Variants in MGAT4C observed in about 807,000 individuals in gnomAD.
The protein encoded by MGAT4C is alpha-1,3-mannosyl-glycoprotein 4-beta-N-acetylglucosaminyltransferase C.
A neutral mutation model predicts 40.1 loss-of-function variants in MGAT4C; 19 were observed. The observed-to-expected ratio is 0.47, with a 90% CI of 0.33 to 0.70. The LOEUF is 0.70. MGAT4C is among the 30% of genes least tolerant of loss of function. The pLI is 0.02. For missense variants in MGAT4C, 491 were observed against 563.2 expected, an observed-to-expected ratio of 0.87 and a Z score of 1.30; for synonymous variants, 181 against 187.1, an observed-to-expected ratio of 0.97 and a Z score of 0.27.
chr12:86,170,847 A>C (rs1035473182), intron 1 of MGAT4C, among the ~76,000 whole-genome samples: 1 of 152,026 alleles, frequency 6.6e-6, no homozygotes, highest in Non-Finnish European at 1.5e-5. Flanking sequence ...GAGCTACTAG[A>C]GAGGCTGAGG....
chr12:86,123,079 T>A (rs1879681105), intron 1 of MGAT4C, among the ~76,000 whole-genome samples: 1 of 152,194 alleles, frequency 6.6e-6, no homozygotes, highest in Admixed American at 6.6e-5. Flanking sequence ...TACTCTGTGC[T>A]AGGCTCTGCT....
rs1876572381 is a variant in MGAT4C, at chr12:86,108,246, G to A, written c.-56-58523C>T. Among the ~76,000 whole-genome samples, 4 of 152,000 alleles carry A rather than the reference G, an allele frequency of 2.6e-5. No individual in the cohort carries two copies. The South Asian group carries it at 8.3e-4, about 32-fold the overall frequency. ...CTTTGGCATTTAGACACAATGACTGGCCCTCATTAATGTTAAAATAGAGAT... is the reference window on the plus strand; with the variant it reads ...CTTTGGCATTTAGACACAATGACTGACCCTCATTAATGTTAAAATAGAGAT... On this transcript the variant is annotated intron_variant, in intron 1 of 4. Transcript: ENST00000611864.
intron 2 of MGAT4C, among the ~76,000 whole-genome samples, chr12:86,646,814 T>C (rs972387182): frequency 6.6e-6 from 1 of 152,002 alleles, no homozygotes; most frequent in African/African-American, 2.4e-5. Context: ...TGTTTTATTT[T>C]ATTTTAACTG....
intron 2 of MGAT4C, among the ~76,000 whole-genome samples, chr12:86,501,441 G>A (rs1958338979): frequency 6.6e-6 from 1 of 151,900 alleles, no homozygotes. Flanking sequence ...CTATCACCTA[G>A]GTATTAAGCT....
At chr12:86,245,485 G>A (rs547908777) in intron 1 of MGAT4C, among the ~76,000 whole-genome samples, 1 of 152,112 alleles carries the variant, frequency 6.6e-6, no homozygotes, top group African/African-American at 2.4e-5. Flanking sequence ...AATTGTTTTT[G>A]GGTCTCTGTG....
intron 2 of MGAT4C, among the ~76,000 whole-genome samples, chr12:86,596,526 T>C (rs1330302986): frequency 3.9e-5 from 6 of 152,224 alleles, no homozygotes; most frequent in African/African-American, 7.2e-5. Context: ...ATAGAACTTA[T>C]AGATAAATCG....
At chr12:85,988,056 T>C (rs1013856507) in intron 3 of MGAT4C, among the ~76,000 whole-genome samples, 2 of 152,210 alleles carry the variant, frequency 1.3e-5, no homozygotes, top group Non-Finnish European at 2.9e-5. Flanking sequence ...TAATAGGTTT[T>C]AAAAATATTC....
chr12:86,767,357 T>C (rs1331816400), intron 1 of MGAT4C, among the ~76,000 whole-genome samples: 2 of 152,156 alleles, frequency 1.3e-5, no homozygotes, highest in Non-Finnish European at 2.9e-5. Context: ...GGCTCTGAAA[T>C]TGTGGCAATA....
At chr12:86,760,692 A>G (rs980445196) in intron 1 of MGAT4C, among the ~76,000 whole-genome samples, 1 of 152,148 alleles carries the variant, frequency 6.6e-6, no homozygotes, top group East Asian at 1.9e-4. Context: ...TCCAGGGCAT[A>G]GAAAAGAAAA....
At chr12:86,662,695 T>C (rs1168849487) in intron 2 of MGAT4C, among the ~76,000 whole-genome samples, 2 of 152,144 alleles carry the variant, frequency 1.3e-5, no homozygotes, top group African/African-American at 2.4e-5. Flanking sequence ...TCTGGCATAG[T>C]GTATGACAGA....
chr12:86,545,958 AT>A (rs979566614), intron 2 of MGAT4C, among the ~76,000 whole-genome samples: 2 of 151,940 alleles, frequency 1.3e-5, no homozygotes, highest in South Asian at 2.1e-4. Context: ...AAAAGATTAT[AT>A]TTTTTCTTAT....
At position 86,035,297 on chromosome 12, in the gene MGAT4C, T is replaced by C. The variant is rs145398658; in HGVS notation, c.-7+14377A>G. 3.5e-3 allele frequency among the ~76,000 whole-genome samples: 531 copies of C among 150,448 alleles called. 56 individuals carry two copies. The highest frequency in any genetic ancestry group is 5.1e-3 in the Non-Finnish European group (344 of 67,000). On this transcript the variant is annotated intron_variant, in intron 2 of 4. Coordinates refer to ENST00000611864, the MANE Select transcript of MGAT4C (RefSeq NM_001351288.2). ...CATGAAACAGCATCTTGGTATCTCA[T>C]TGTGGTTTTGCTTTGCATTTCTCTA...
At chr12:86,780,617 C>T (rs148061435) in intron 1 of MGAT4C, among the ~76,000 whole-genome samples, 3 of 152,288 alleles carry the variant, frequency 2.0e-5, no homozygotes, top group East Asian at 1.9e-4. Context: ...TCCTGAGCCT[C>T]TCAGCCATGC....
intron 1 of MGAT4C, among the ~76,000 whole-genome samples, chr12:86,235,381 T>C (rs1951490548): frequency 6.6e-6 from 1 of 152,070 alleles, no homozygotes; most frequent in Non-Finnish European, 1.5e-5. Flanking sequence ...TATAAATGTA[T>C]TCATGTCACT....
chr12:86,387,286 A>G (rs1022913425), intron 3 of MGAT4C, among the ~76,000 whole-genome samples: 2 of 152,166 alleles, frequency 1.3e-5, no homozygotes, highest in Non-Finnish European at 2.9e-5. Flanking sequence ...TAACTTCTAG[A>G]TTCATGTATA....
At chr12:86,652,424 T>A (rs1963720810) in intron 2 of MGAT4C, among the ~76,000 whole-genome samples, 1 of 151,906 alleles carries the variant, frequency 6.6e-6, no homozygotes, top group African/African-American at 2.4e-5. Flanking sequence ...TTGCTGGAGA[T>A]CTCAGTTACT....
chr12:86,736,177 T>C (rs919176316), intron 1 of MGAT4C, among the ~76,000 whole-genome samples: 2 of 151,882 alleles, frequency 1.3e-5, no homozygotes, highest in African/African-American at 4.8e-5. Context: ...GTCCCCATTT[T>C]AACTCCAAAA....
chr12:86,697,803 A>T (rs1382049048), intron 2 of MGAT4C, among the ~76,000 whole-genome samples: 2 of 152,140 alleles, frequency 1.3e-5, no homozygotes, highest in African/African-American at 2.4e-5. Flanking sequence ...AATAAATTTT[A>T]AAAAATACTG....
intron 1 of MGAT4C, among the ~76,000 whole-genome samples, chr12:86,795,287 G>T (rs1338176696): frequency 6.6e-6 from 1 of 151,724 alleles, no homozygotes; most frequent in Non-Finnish European, 1.5e-5. Context: ...AGAAAGAGTG[G>T]AGAAAAATAA....
Sources: allele counts gnomAD v4.1 joint callset (sites outside exome capture counted in the v4.1 genomes callset), GRCh38; gene constraint gnomAD v4.1.1; transcripts MANE v1.5; gene names NCBI Gene and HGNC (gene_info 2026-07-23, HGNC 2026-07-21).